The following NELL1 variants were observed in gnomAD, a reference collection of about 807,000 sequenced individuals.
NELL1 encodes the protein protein kinase C-binding protein NELL1.
Under a neutral mutation model 107.4 loss-of-function variants are expected in NELL1, and 76 were observed. The ratio of observed to expected loss-of-function variants is 0.71; its 90% CI spans 0.59 to 0.86. The LOEUF (loss-of-function observed/expected upper bound fraction) is 0.86, where lower values mean the gene tolerates loss of function less well. Ranked by LOEUF, NELL1 falls within the 40% of genes least tolerant of loss-of-function variation. NELL1 has a pLI of 0.00. For synonymous variants in NELL1, 353 were observed against 341.2 expected (o/e 1.03, Z -0.38); for missense variants, 1,024 against 1,005.5 (o/e 1.02, Z -0.25).
intron 13 of NELL1, among the ~76,000 whole-genome samples, chr11:21,182,738 T>C (rs936960485): frequency 2.7e-4 from 41 of 151,592 alleles, no homozygotes; most frequent in Admixed American, 5.2e-4. Context: ...TCTCTGAGCA[T>C]AGAAAAATGG....
At chr11:20,975,565 TATA>T (rs66750011) in intron 12 of NELL1, among the ~76,000 whole-genome samples, 5,628 of 139,030 alleles carry the variant, frequency 0.04, 195 homozygotes, top group Middle Eastern at 0.19. Flanking sequence ...TATGTACAGA[TATA>T]ATGTATTATA....
chr11:20,691,496 G>T (rs564083976), intron 2 of NELL1, among the ~76,000 whole-genome samples: 2 of 152,072 alleles, frequency 1.3e-5, no homozygotes, highest in East Asian at 1.9e-4. Flanking sequence ...AGCATGAAGG[G>T]TTGTTGAATT....
At chr11:20,833,996 T>C (rs1344888819) in intron 3 of NELL1, among the ~76,000 whole-genome samples, 1 of 152,184 alleles carries the variant, frequency 6.6e-6, no homozygotes, top group Non-Finnish European at 1.5e-5. Flanking sequence ...AAGACACTGA[T>C]GGATTTTAAG....
intron 2 of NELL1, among the ~76,000 whole-genome samples, chr11:20,693,353 T>C (rs1380833925): frequency 5.9e-5 from 9 of 151,948 alleles, no homozygotes; most frequent in Middle Eastern, 6.3e-3. Flanking sequence ...TTATTTTGCT[T>C]GTTAGTTGAT....
chr11:20,747,192 G>A (rs1325554044), intron 2 of NELL1, among the ~76,000 whole-genome samples: 2 of 152,170 alleles, frequency 1.3e-5, no homozygotes, highest in South Asian at 2.1e-4. Flanking sequence ...GTCTGTGTGG[G>A]CAATGTATCT....
intron 15 of NELL1, among the ~76,000 whole-genome samples, chr11:21,372,426 T>C (rs550752688): frequency 6.6e-6 from 1 of 152,226 alleles, no homozygotes; most frequent in Non-Finnish European, 1.5e-5. Context: ...ATGTCATTTA[T>C]TTGCAATAAT....
chr11:21,530,947 A>T (rs112082199), intron 15 of NELL1, among the ~76,000 whole-genome samples: 1 of 151,946 alleles, frequency 6.6e-6, no homozygotes, highest in African/African-American at 2.4e-5. Context: ...ATTGCTTGGT[A>T]CTCCCACTTC....
At chr11:21,303,689 C>T (rs1849546825) in intron 14 of NELL1, among the ~76,000 whole-genome samples, 1 of 152,034 alleles carries the variant, frequency 6.6e-6, no homozygotes, top group Admixed American at 6.6e-5. Flanking sequence ...AATCAATATA[C>T]CAAAAAGATA....
chr11:20,849,895 G>C (rs1359249711), intron 4 of NELL1, among the ~76,000 whole-genome samples: 4 of 152,142 alleles, frequency 2.6e-5, no homozygotes, highest in African/African-American at 9.7e-5. Flanking sequence ...TGACCTACTG[G>C]ATTAGATTCC....
chr11:20,773,672 A>AT (rs1184951608), intron 2 of NELL1: 2 of 151,792 alleles, frequency 1.3e-5, no homozygotes, highest in African/African-American at 4.8e-5. Context: ...TAATTTTTGT[A>AT]TTTTTAGTAG....
At chr11:21,184,355 G>A (rs1453789724) in intron 13 of NELL1, among the ~76,000 whole-genome samples, 3 of 151,608 alleles carry the variant, frequency 2.0e-5, no homozygotes, top group Admixed American at 2.0e-4. Context: ...TGCAACCTCC[G>A]CCTCCTGGGT....
intron 16 of NELL1, among the ~76,000 whole-genome samples, chr11:21,541,226 A>T (rs1260335306): frequency 6.6e-6 from 1 of 152,150 alleles, no homozygotes; most frequent in Admixed American, 6.6e-5. Flanking sequence ...ACGGGACTGA[A>T]TACCTGTTGG....
chr11:21,502,761 AC>A (rs1855174446), intron 15 of NELL1, among the ~76,000 whole-genome samples: 1 of 152,246 alleles, frequency 6.6e-6, no homozygotes, highest in African/African-American at 2.4e-5. Flanking sequence ...AAAAGGTAAA[AC>A]AAATGAAGCA....
chr11:21,560,065 C>T, intron 16 of NELL1, 124 bp from the exon 17 acceptor site: 1 of 869,540 alleles, frequency 1.2e-6, no homozygotes, highest in Non-Finnish European at 1.9e-6. Flanking sequence ...ATGTGAACAG[C>T]TTGGCAGTAC....
chr11:20,910,781 C>A (rs1233947043), intron 5 of NELL1, among the ~76,000 whole-genome samples: 1 of 152,174 alleles, frequency 6.6e-6, no homozygotes, highest in African/African-American at 2.4e-5. Context: ...ACATAACTGG[C>A]AGACAATATA....
intron 15 of NELL1, among the ~76,000 whole-genome samples, chr11:21,449,667 A>C (rs534594559): frequency 6.6e-6 from 1 of 152,152 alleles, no homozygotes; most frequent in Non-Finnish European, 1.5e-5. Context: ...TTGCCTTAGA[A>C]ATTTTAGTTT....
rs183128130 is a variant in NELL1, at chr11:20,829,375, C to T, written c.336-18208C>T. Among the ~76,000 whole-genome samples, 464 of 151,956 alleles carry T rather than the reference C, an allele frequency of 3.1e-3. 2 individuals are homozygous for T. The highest frequency in any genetic ancestry group is 9.7e-3 in the African/African-American group (402 of 41,416). ...CTGAGTAGCTGAGATTACAGGCACC[C>T]GCCACCACACCTGGCTAATTTTTGT... On this transcript the variant is annotated intron_variant, in intron 3 of 19. Coordinates refer to ENST00000357134, the MANE Select transcript of NELL1 (RefSeq NM_006157.5).
At chr11:21,081,060 T>G (rs761796708) in intron 12 of NELL1, among the ~76,000 whole-genome samples, 1 of 152,136 alleles carries the variant, frequency 6.6e-6, no homozygotes, top group South Asian at 2.1e-4. Context: ...GCTCTGTAGA[T>G]TGTTGTCAAT....
chr11:21,485,955 C>G (rs918324697), intron 15 of NELL1, among the ~76,000 whole-genome samples: 1 of 152,106 alleles, frequency 6.6e-6, no homozygotes, highest in Admixed American at 6.5e-5. Flanking sequence ...CCTACCTGTA[C>G]AAGCCACTTG....
Sources: gnomAD v4.1 joint callset for allele counts (sites outside exome capture counted in the v4.1 genomes callset) on GRCh38, gnomAD v4.1.1 for gene constraint, MANE v1.5 for transcripts, NCBI Gene and HGNC (gene_info 2026-07-23, HGNC 2026-07-21) for gene names.